The following PDE4D variants were observed in gnomAD, a reference collection of about 807,000 sequenced individuals.
PDE4D encodes 3',5'-cyclic-AMP phosphodiesterase 4D.
A neutral mutation model predicts 87.4 loss-of-function variants in PDE4D; 24 were observed. That is an observed-to-expected ratio of 0.27 (90% CI 0.20 to 0.39). The LOEUF (loss-of-function observed/expected upper bound fraction) is 0.39, where lower values mean the gene tolerates loss of function less well. PDE4D is among the 10% of genes least tolerant of loss of function. The pLI is 1.00. For missense variants in PDE4D, 714 were observed against 1,041.0 expected, an observed-to-expected ratio of 0.69 and a Z score of 4.32; for synonymous variants, 384 against 383.2, an observed-to-expected ratio of 1.00 and a Z score of -0.02.
At chr5:59,666,832 G>C (rs1361043296) in intron 1 of PDE4D, among the ~76,000 whole-genome samples, 2 of 152,208 alleles carry the variant, frequency 1.3e-5, no homozygotes, top group Non-Finnish European at 2.9e-5. Flanking sequence ...TGTGTTAGGG[G>C]CATGACAGAT....
rs372779872 is a variant in PDE4D, at chr5:60,020,000, C to G, written c.43-31283G>C. ...CCTTCCTCACTAAGATTAATCATTT[C>G]TAGCTTTTAATTTAAAGAAAAAGAT... On this transcript the variant is annotated intron_variant, in intron 2 of 16. Transcript: ENST00000502484. 3.2e-4 allele frequency among the ~76,000 whole-genome samples: 49 copies of G among 152,066 alleles called. No individual in the cohort carries two copies. In the South Asian group the frequency reaches 9.3e-3, roughly 29 times the overall value.
chr5:59,430,105 TTTGCTAAA>T (rs1795894569), intron 1 of PDE4D, among the ~76,000 whole-genome samples: 1 of 152,174 alleles, frequency 6.6e-6, no homozygotes, highest in African/African-American at 2.4e-5. Context: ...CAGATCAGCT[TTTGCTAAA>T]TAGCTAAACT....
At chr5:60,363,024 C>T (rs1760211203) in intron 1 of PDE4D, among the ~76,000 whole-genome samples, 1 of 152,116 alleles carries the variant, frequency 6.6e-6, no homozygotes, top group African/African-American at 2.4e-5. Context: ...TCACCGGTTG[C>T]TTATCACCTT....
At chr5:59,079,014 C>T (rs919201297) in intron 5 of PDE4D, among the ~76,000 whole-genome samples, 2 of 152,142 alleles carry the variant, frequency 1.3e-5, no homozygotes, top group Non-Finnish European at 2.9e-5. Flanking sequence ...TTAACAGATG[C>T]CAGCACCTTG....
chr5:60,119,861 T>C (rs935461588), intron 2 of PDE4D, among the ~76,000 whole-genome samples: 2 of 152,166 alleles, frequency 1.3e-5, no homozygotes, highest in Admixed American at 6.6e-5. Flanking sequence ...GAAAGTTTGG[T>C]CTTTGGTCAT....
At chr5:60,058,222 C>T (rs1312017200) in intron 2 of PDE4D, among the ~76,000 whole-genome samples, 1 of 151,918 alleles carries the variant, frequency 6.6e-6, no homozygotes, top group Non-Finnish European at 1.5e-5. Flanking sequence ...AAAACCCTTC[C>T]TGAGTATGAT....
intron 2 of PDE4D, among the ~76,000 whole-genome samples, chr5:60,185,372 T>C (rs1400060535): frequency 1.3e-5 from 2 of 152,176 alleles, no homozygotes; most frequent in African/African-American, 4.8e-5. Context: ...CATCAAATGC[T>C]AACAGGTCAC....
At chr5:58,994,921 A>G (rs1266980251) in intron 6 of PDE4D, among the ~76,000 whole-genome samples, 1 of 64,184 alleles carries the variant, frequency 1.6e-5, no homozygotes, top group Non-Finnish European at 2.8e-5. Flanking sequence ...CCCTCCCCCC[A>G]CCCCACAACA....
intron 6 of PDE4D, among the ~76,000 whole-genome samples, chr5:59,029,564 T>C (rs1006606792): frequency 2.6e-5 from 4 of 151,916 alleles, no homozygotes; most frequent in Admixed American, 1.3e-4. Flanking sequence ...CTGAAAGAAT[T>C]AGTAATGTTA....
chr5:60,114,676 T>C (rs1777979298), intron 2 of PDE4D, among the ~76,000 whole-genome samples: 1 of 152,048 alleles, frequency 6.6e-6, no homozygotes, highest in Non-Finnish European at 1.5e-5. Flanking sequence ...TTACATGAAG[T>C]AAAAATCTCA....
chr5:59,242,667 A>G (rs778410245), intron 1 of PDE4D, among the ~76,000 whole-genome samples: 8 of 152,184 alleles, frequency 5.3e-5, no homozygotes, highest in Non-Finnish European at 1.0e-4. Flanking sequence ...TAATGAGTTC[A>G]CATTTATTGA....
At chr5:59,522,780 G>A (rs1216955933) in intron 1 of PDE4D, among the ~76,000 whole-genome samples, 5 of 152,100 alleles carry the variant, frequency 3.3e-5, no homozygotes, top group Non-Finnish European at 5.9e-5. Flanking sequence ...ATTTTCAGAG[G>A]ACCTCTACTG....
At chr5:59,422,641 C>T (rs1272642757) in intron 1 of PDE4D, among the ~76,000 whole-genome samples, 1 of 152,172 alleles carries the variant, frequency 6.6e-6, no homozygotes, top group East Asian at 1.9e-4. Flanking sequence ...AATTTAATGT[C>T]TCTTATTGGA....
chr5:59,768,617 T>C (rs1581011037), intron 1 of PDE4D: 2 of 1,538,364 alleles, frequency 1.3e-6, no homozygotes, highest in Non-Finnish European at 1.7e-6. Context: ...CTGCTGTTAG[T>C]GCATTCAGTC....
intron 1 of PDE4D, among the ~76,000 whole-genome samples, chr5:59,333,033 C>T (rs1266695797): frequency 6.6e-6 from 1 of 152,184 alleles, no homozygotes; most frequent in Non-Finnish European, 1.5e-5. Context: ...ATTGTGAGTC[C>T]AGGTTTCTGT....
chr5:59,337,450 A>G (rs894886500), intron 1 of PDE4D, among the ~76,000 whole-genome samples: 5 of 150,472 alleles, frequency 3.3e-5, no homozygotes, highest in African/African-American at 1.2e-4. Flanking sequence ...CTCCTGCGTC[A>G]GCCTAAGTTC....
intron 5 of PDE4D, among the ~76,000 whole-genome samples, chr5:59,124,224 G>C (rs1396882999): frequency 1.3e-5 from 2 of 152,156 alleles, no homozygotes; most frequent in Non-Finnish European, 2.9e-5. Context: ...TTTTGGCTCT[G>C]CAATTCAGGG....
rs187119764 is a variant in PDE4D, at chr5:59,200,264, T to C, written c.648-6728A>G. Among the ~76,000 whole-genome samples, 78 of 108,686 alleles carry C rather than the reference T, an allele frequency of 7.2e-4. 2 individuals carry two copies. In the South Asian group the frequency reaches 8.5e-3, roughly 12 times the overall value. 71.3% of individuals were successfully genotyped at this position (108,686 alleles called of 152,430 possible). A position where few individuals can be genotyped will look rare whatever the true frequency, so the allele number is the denominator to read the frequency against. On this transcript the variant is annotated intron_variant, in intron 2 of 14. Coordinates refer to ENST00000340635, the MANE Select transcript of PDE4D (RefSeq NM_001104631.2). ...ATGTACAGCTACACGTATACATACA[T>C]ATGTGTATGTACAGCTACAAGTATA...
intron 2 of PDE4D, among the ~76,000 whole-genome samples, chr5:59,993,347 G>T (rs1384410583): frequency 1.3e-5 from 2 of 152,170 alleles, no homozygotes; most frequent in African/African-American, 4.8e-5. Context: ...GTTCACTGCA[G>T]CTCATTTATA....
Sources: gnomAD v4.1 joint callset for allele counts (sites outside exome capture counted in the v4.1 genomes callset) on GRCh38, gnomAD v4.1.1 for gene constraint, MANE v1.5 for transcripts, NCBI Gene and HGNC (gene_info 2026-07-23, HGNC 2026-07-21) for gene names.